Variants in TRPC4 observed in about 807,000 individuals in gnomAD.
TRPC4 encodes short transient receptor potential channel 4.
In TRPC4, 49 loss-of-function variants were observed where a neutral mutation model predicts 99.4. The ratio of observed to expected loss-of-function variants is 0.49; its 90% CI spans 0.39 to 0.63. The LOEUF (loss-of-function observed/expected upper bound fraction) is 0.63, where lower values mean the gene tolerates loss of function less well. TRPC4 is among the 20% of genes least tolerant of loss of function. The pLI is 0.00. For missense variants in TRPC4, 898 were observed against 1,152.9 expected (o/e 0.78, Z 3.20); for synonymous variants, 454 against 425.9 (o/e 1.07, Z -0.81).
intron 1 of TRPC4, among the ~76,000 whole-genome samples, chr13:37,786,765 T>C (rs959494523): frequency 6.6e-6 from 1 of 152,082 alleles, no homozygotes; most frequent in Non-Finnish European, 1.5e-5. Flanking sequence ...TTTCAATGTC[T>C]CCTGTATAAC....
intron 1 of TRPC4, among the ~76,000 whole-genome samples, chr13:37,851,566 G>A (rs981278142): frequency 1.3e-5 from 2 of 152,132 alleles, no homozygotes; most frequent in African/African-American, 4.8e-5. Flanking sequence ...CAATAAATTG[G>A]TTTAAGAGGG....
chr13:37,776,155 T>C (rs1956695652), intron 2 of TRPC4, among the ~76,000 whole-genome samples: 1 of 151,860 alleles, frequency 6.6e-6, no homozygotes, highest in African/African-American at 2.4e-5. Flanking sequence ...CTATGCTCTA[T>C]TCTGTAACAG....
chr13:37,784,157 T>TCA (rs1408323576), intron 1 of TRPC4, among the ~76,000 whole-genome samples: 12 of 152,102 alleles, frequency 7.9e-5, no homozygotes, highest in African/African-American at 2.9e-4. Flanking sequence ...ACTGAGAATA[T>TCA]TAATCATCAA....
At chr13:37,649,253 A>G (rs1014907102) in intron 8 of TRPC4, among the ~76,000 whole-genome samples, 4 of 152,150 alleles carry the variant, frequency 2.6e-5, no homozygotes, top group Admixed American at 6.5e-5. Flanking sequence ...CATTTTTCCC[A>G]TAACCTCTTT....
intron 3 of TRPC4, among the ~76,000 whole-genome samples, chr13:37,702,837 A>G (rs563359683): frequency 3.3e-4 from 51 of 152,324 alleles, no homozygotes; most frequent in African/African-American, 1.2e-3. Context: ...TTACAATTAA[A>G]TCTTCCTAAG....
At chr13:37,862,747 T>C (rs1448551536) in intron 1 of TRPC4, among the ~76,000 whole-genome samples, 1 of 151,574 alleles carries the variant, frequency 6.6e-6, no homozygotes, top group Non-Finnish European at 1.5e-5. Flanking sequence ...AAGGAAAATA[T>C]GTCTTGTTCA....
rs375628485 is a variant in TRPC4, at chr13:37,674,376, A to T, written c.1235-9T>A. 2.2e-5 allele frequency: 35 copies of T among 1,595,726 alleles called. No individual in the cohort carries two copies. In the African/African-American group the frequency reaches 3.5e-4, roughly 16 times the overall value. ...TTCTCCCCATATGAAGCCTGCAATT[A>T]TAGAAAGATTCATTGTAAGTATGAT... On this transcript the variant is annotated splice_polypyrimidine_tract_variant and intron_variant, in intron 4 of 10. Coordinates refer to ENST00000379705, the MANE Select transcript of TRPC4 (RefSeq NM_016179.4).
At chr13:37,822,486 G>A (rs1427684028) in intron 1 of TRPC4, among the ~76,000 whole-genome samples, 1 of 133,922 alleles carries the variant, frequency 7.5e-6, no homozygotes, top group African/African-American at 2.9e-5. Context: ...TGATCTCATT[G>A]TTTGATTCCC....
chr13:37,770,821 G>A (rs1328371307), intron 2 of TRPC4, among the ~76,000 whole-genome samples: 4 of 151,584 alleles, frequency 2.6e-5, no homozygotes, highest in Non-Finnish European at 4.4e-5. Flanking sequence ...AGGATGAAGC[G>A]TGTATCGTAT....
At chr13:37,842,372 G>GAAAAAAAAAAAAAAAAAAAAAAAA (rs1566216069) in intron 1 of TRPC4, among the ~76,000 whole-genome samples, 1 of 72,090 alleles carries the variant, frequency 1.4e-5, no homozygotes, top group Non-Finnish European at 2.9e-5. Flanking sequence ...AAAAAAAAAG[G>GAAAAAAAAAAAAAAAAAAAAAAAA]AAAAGGAAAA....
In TRPC4 at chr13:37,782,992, C is replaced by T. The variant is rs1221808303; in HGVS notation, c.342G>A (p.Leu114=). 2.5e-6 allele frequency: 4 copies of T among 1,585,224 alleles called. No homozygotes were observed. The highest frequency in any genetic ancestry group is 2.3e-5 in the South Asian group (2 of 85,716). Residue 114 remains leucine (L), a synonymous_variant, in exon 2 of 11, where the codon CTG becomes CTA. Coordinates refer to ENST00000379705, the MANE Select transcript of TRPC4 (RefSeq NM_016179.4). The stretch of plus-strand genomic sequence containing the variant: ...CACTAGGTTTTTTGTGGTTCAATAA[C>T]AGCTCAACAGCTCCGACGACTTCTT... ...IRKEVVGAVE[L]LLNHKKPSGE...
chr13:37,832,323 T>C (rs535878916), intron 1 of TRPC4, among the ~76,000 whole-genome samples: 3 of 152,128 alleles, frequency 2.0e-5, no homozygotes, highest in African/African-American at 4.8e-5. Context: ...GGGCAGATCA[T>C]TTGAGGTCAG....
At chr13:37,788,263 T>C (rs989897433) in intron 1 of TRPC4, among the ~76,000 whole-genome samples, 1 of 152,160 alleles carries the variant, frequency 6.6e-6, no homozygotes, top group Non-Finnish European at 1.5e-5. Context: ...GCAAACCTTC[T>C]TCCCTTCATG....
intron 5 of TRPC4, among the ~76,000 whole-genome samples, chr13:37,671,977 G>C (rs1383485909): frequency 6.6e-6 from 1 of 152,202 alleles, no homozygotes; most frequent in Non-Finnish European, 1.5e-5. Context: ...AGTAATTACT[G>C]TGTACTGCTC....
At chr13:37,829,243 G>A (rs1222264786) in intron 1 of TRPC4, among the ~76,000 whole-genome samples, 2 of 152,056 alleles carry the variant, frequency 1.3e-5, no homozygotes, top group Admixed American at 1.3e-4. Flanking sequence ...AATATAAAAA[G>A]AACAACTAAG....
Position 37,749,163 on chromosome 13 carries a change from A to AT in TRPC4, c.379-2709dup, listed in dbSNP as rs530220968. On this transcript the variant is annotated intron_variant, in intron 2 of 10. Transcript: ENST00000379705. ...GCCATGTAAGATGTGCCTTGCTTCC[A>AT]TTTTGCCTTCTGCCACGATTATAAG... 1.7e-4 allele frequency among the ~76,000 whole-genome samples: 26 copies of AT among 151,848 alleles called. No individual in the cohort carries two copies. In the South Asian group the frequency reaches 5.4e-3, roughly 32 times the overall value.
In TRPC4 at chr13:37,764,586, G is replaced by A. The variant is rs546926629; in HGVS notation, c.379-18131C>T. 6.6e-5 allele frequency among the ~76,000 whole-genome samples: 10 copies of A among 151,196 alleles called. No homozygotes were observed. In the South Asian group the frequency reaches 1.0e-3, roughly 16 times the overall value. ...TGGTTTTGTTCAAACCAGGGCCTCC[G>A]GTAGAGTTGCATAAAAAGTAATAAT... On this transcript the variant is annotated intron_variant, in intron 2 of 10. Transcript: ENST00000379705.
rs954226597 is a variant in TRPC4, at chr13:37,651,265, C to T, written c.2079G>A (p.Gly693=). Residue 693 remains glycine (G), a splice_region_variant and synonymous_variant, in exon 8 of 11, where the codon GGG becomes GGA. Coordinates refer to ENST00000379705, the MANE Select transcript of TRPC4 (RefSeq NM_016179.4). ...RRKPESFGTI[G]RRAADNLRRH... is the part of the protein sequence containing the mutation. ...TAATACTAACATGCTGTGTTCTTACCCCTATTGTTCCAAAACTTTCTGGCT... is the reference window on the plus strand; with the variant it reads ...TAATACTAACATGCTGTGTTCTTACTCCTATTGTTCCAAAACTTTCTGGCT... The T allele has an allele frequency of 1.2e-6, 2 of 1,613,942 alleles. No homozygotes were observed. Among genetic ancestry groups the T allele is most frequent in the Admixed American group, 3.3e-5 (2 of 60,004 alleles).
intron 1 of TRPC4, among the ~76,000 whole-genome samples, chr13:37,828,092 G>C (rs1958301664): frequency 6.6e-6 from 1 of 152,210 alleles, no homozygotes; most frequent in Non-Finnish European, 1.5e-5. Flanking sequence ...CTGACCCCTT[G>C]AGCTTCCCGA....
Sources: gnomAD v4.1 joint callset for allele counts (sites outside exome capture counted in the v4.1 genomes callset) on GRCh38, gnomAD v4.1.1 for gene constraint, MANE v1.5 for transcripts, NCBI Gene and HGNC (gene_info 2026-07-23, HGNC 2026-07-21) for gene names.